Variants in SLC24A2 observed in about 807,000 individuals in gnomAD.
SLC24A2 encodes sodium/potassium/calcium exchanger 2.
SLC24A2 carries 36 observed loss-of-function variants against 62.0 expected under a neutral mutation model. That is an observed-to-expected ratio of 0.58 (90% CI 0.44 to 0.77). The LOEUF is 0.77. Among genes scored for constraint, SLC24A2 ranks in the 30% least tolerant of loss-of-function variants. The pLI is 0.00. For synonymous variants in SLC24A2, 358 were observed against 294.0 expected, an observed-to-expected ratio of 1.22 and a Z score of -2.23; for missense variants, 846 against 817.9, an observed-to-expected ratio of 1.03 and a Z score of -0.42.
At chr9:19,990,347 C>T in the SLC24A2 span, among the ~76,000 whole-genome samples, 4 of 152,128 alleles carry the variant, frequency 2.6e-5, no homozygotes, top group East Asian at 3.9e-4. Flanking sequence ...CACGGTGGCT[C>T]GTACCTCTAA....
intron 6 of SLC24A2, among the ~76,000 whole-genome samples, chr9:19,575,202 C>T (rs1586985208): frequency 6.6e-6 from 1 of 152,146 alleles, no homozygotes; most frequent in Admixed American, 6.6e-5. Context: ...TTAGTAGTGA[C>T]AGCGATACGT....
At chr9:19,572,088 A>C (rs1434583631) in intron 7 of SLC24A2, among the ~76,000 whole-genome samples, 1 of 62,576 alleles carries the variant, frequency 1.6e-5, no homozygotes, top group Non-Finnish European at 4.0e-5. Context: ...TGATCAACTG[A>C]AACCCCATCT....
chr9:20,160,090 G>C, the SLC24A2 span, among the ~76,000 whole-genome samples: 1 of 151,330 alleles, frequency 6.6e-6, no homozygotes, highest in Non-Finnish European at 1.5e-5. Context: ...AAATAAAGAA[G>C]TGGCCAATGA....
rs763160089 is a variant in SLC24A2 at position 19,749,944 on chromosome 9, G to A, written c.930+35993C>T. 1.8e-4 allele frequency among the ~76,000 whole-genome samples: 27 copies of A among 152,122 alleles called. 1 individual carries two copies. The highest frequency in any genetic ancestry group is 7.9e-4 in the Admixed American group (12 of 15,264). ...CAAATTCTCCCACCTGGGATCACCC[G>A]TTGTGATCAAGTCCAGAGGAATATA... On this transcript the variant is annotated intron_variant, in intron 2 of 10. Coordinates refer to ENST00000341998, the MANE Select transcript of SLC24A2 (RefSeq NM_020344.4).
At chr9:20,164,900 C>T in the SLC24A2 span, among the ~76,000 whole-genome samples, 4 of 147,428 alleles carry the variant, frequency 2.7e-5, no homozygotes, top group Admixed American at 7.0e-5. Flanking sequence ...AACGAAACAC[C>T]GCATATTCTC....
At chr9:20,209,916 C>T in the SLC24A2 span, among the ~76,000 whole-genome samples, 2 of 152,156 alleles carry the variant, frequency 1.3e-5, no homozygotes, top group Non-Finnish European at 2.9e-5. Context: ...TAACACCATC[C>T]TTCTTGACCT....
chr9:19,848,598 T>C, the SLC24A2 span, among the ~76,000 whole-genome samples: 1 of 152,186 alleles, frequency 6.6e-6, no homozygotes, highest in Non-Finnish European at 1.5e-5. Context: ...TTAGCTATTA[T>C]TAACATTTTA....
At position 19,762,147 on chromosome 9, in the gene SLC24A2, T is replaced by G. The variant is rs1322756872; in HGVS notation, c.930+23790A>C. On this transcript the variant is annotated intron_variant, in intron 2 of 10. Coordinates refer to ENST00000341998, the MANE Select transcript of SLC24A2 (RefSeq NM_020344.4). The stretch of plus-strand genomic sequence containing the variant: ...GTCTGTTCATATCCTTTGCCCACTT[T>G]TTGATGGGGTTGTTTTTTTCTTGTA... Among the ~76,000 whole-genome samples, 5 of 152,288 alleles carry G rather than the reference T, an allele frequency of 3.3e-5. 1 individual carries two copies. In the South Asian group the frequency reaches 6.2e-4, roughly 19 times the overall value.
chr9:20,082,321 C>T, the SLC24A2 span, among the ~76,000 whole-genome samples: 46 of 152,158 alleles, frequency 3.0e-4, no homozygotes, highest in Non-Finnish European at 5.9e-4. Flanking sequence ...GTGGGAGATC[C>T]AGGTCCTTAT....
the SLC24A2 span, among the ~76,000 whole-genome samples, chr9:20,019,302 A>AGAAAGAAAGAAG: frequency 6.7e-6 from 1 of 149,392 alleles, no homozygotes; most frequent in African/African-American, 2.6e-5. Context: ...AAAGAAAGAA[A>AGAAAGAAAGAAG]GAAAGAAAGA....
chr9:19,675,508 C>T (rs1165426770), intron 2 of SLC24A2, among the ~76,000 whole-genome samples: 1 of 152,096 alleles, frequency 6.6e-6, no homozygotes, highest in African/African-American at 2.4e-5. Flanking sequence ...TGAGCTCAGA[C>T]TCTTTTCGGG....
intron 7 of SLC24A2, among the ~76,000 whole-genome samples, chr9:19,569,067 T>A (rs1035678807): frequency 5.3e-5 from 8 of 152,220 alleles, no homozygotes; most frequent in Non-Finnish European, 1.2e-4. Context: ...TTCCTTTTCT[T>A]TTCCTTTCTT....
At chr9:19,581,579 A>G (rs1372038587) in intron 5 of SLC24A2, among the ~76,000 whole-genome samples, 1 of 152,236 alleles carries the variant, frequency 6.6e-6, no homozygotes, top group Non-Finnish European at 1.5e-5. Flanking sequence ...GTGCTTAGGA[A>G]CTGCTATTCA....
At chr9:19,961,424 T>C in the SLC24A2 span, among the ~76,000 whole-genome samples, 3 of 152,322 alleles carry the variant, frequency 2.0e-5, no homozygotes, top group South Asian at 6.2e-4. Context: ...AAGCCTTTTT[T>C]TTCTTTCCAA....
At chr9:19,606,145 C>T (rs1186277719) in intron 4 of SLC24A2, among the ~76,000 whole-genome samples, 3 of 152,102 alleles carry the variant, frequency 2.0e-5, no homozygotes, top group Admixed American at 6.5e-5. Context: ...ATAGTTGTAA[C>T]CTATTCCAGA....
At position 19,513,176 on chromosome 9, in the gene SLC24A2, GTATA is replaced by G. The variant is rs60849714; in HGVS notation, c.*2973_*2976del. 30 of 66,982 alleles carry G rather than the reference GTATA, an allele frequency of 4.5e-4. 1 individual carries two copies. Among genetic ancestry groups the G allele is most frequent in the African/African-American group, 1.6e-3 (29 of 17,876 alleles). The allele number at this position is 66,982 out of a possible 1,614,324, so 4.1% of individuals were successfully genotyped here. On this transcript the variant is annotated 3_prime_UTR_variant, in exon 11 of 11. Coordinates refer to ENST00000341998, the MANE Select transcript of SLC24A2 (RefSeq NM_020344.4). ...AAGATATATATATATATATATATAT[GTATA>G]TATATATATATGTATATATTTATAT...
chr9:19,713,631 C>T (rs915677444), intron 2 of SLC24A2, among the ~76,000 whole-genome samples: 8 of 152,108 alleles, frequency 5.3e-5, no homozygotes, highest in African/African-American at 1.7e-4. Context: ...TGATGAAAGG[C>T]CTGCATTTTC....
the SLC24A2 span, among the ~76,000 whole-genome samples, chr9:19,839,260 T>G: frequency 6.6e-6 from 1 of 152,178 alleles, no homozygotes; most frequent in Admixed American, 6.5e-5. Flanking sequence ...GGAGAGGATG[T>G]GGAGAAATAG....
the SLC24A2 span, among the ~76,000 whole-genome samples, chr9:20,041,658 A>G: frequency 5.8e-4 from 88 of 152,370 alleles, 1 homozygote; most frequent in African/African-American, 2.0e-3. Context: ...CCTCATACAT[A>G]TGAAGGAAAA....
Sources: gnomAD v4.1 joint callset for allele counts (sites outside exome capture counted in the v4.1 genomes callset) on GRCh38, gnomAD v4.1.1 for gene constraint, MANE v1.5 for transcripts, NCBI Gene and HGNC (gene_info 2026-07-23, HGNC 2026-07-21) for gene names.